The following N4BP1 variants were observed in gnomAD, a reference collection of about 807,000 sequenced individuals.
N4BP1 encodes the protein NEDD4 binding protein 1.
In N4BP1, 21 loss-of-function variants were observed where a neutral mutation model predicts 70.9. That is an observed-to-expected ratio of 0.30 (90% CI 0.21 to 0.43). The LOEUF (loss-of-function observed/expected upper bound fraction) is 0.43, where lower values mean the gene tolerates loss of function less well. Among genes scored for constraint, N4BP1 ranks in the 20% least tolerant of loss-of-function variants. The pLI, the probability that N4BP1 is intolerant of heterozygous loss-of-function variation, is 1.00. For synonymous variants in N4BP1, 387 were observed against 394.6 expected (o/e 0.98, Z 0.23); for missense variants, 936 against 1,069.4 (o/e 0.88, Z 1.74).
intron 1 of N4BP1, among the ~76,000 whole-genome samples, chr16:48,590,018 T>C (rs1307878055): frequency 1.3e-5 from 2 of 152,164 alleles, no homozygotes; most frequent in African/African-American, 4.8e-5. Context: ...AGCTACAAGA[T>C]TAGAAATGAT....
chr16:48,560,061 A>AC (rs1963829870), intron 2 of N4BP1, among the ~76,000 whole-genome samples: 1 of 151,832 alleles, frequency 6.6e-6, no homozygotes, highest in Non-Finnish European at 1.5e-5. Context: ...GAGGCTCTTG[A>AC]CCCTCACACT....
At chr16:48,572,795 T>G (rs560483930) in intron 1 of N4BP1, among the ~76,000 whole-genome samples, 1 of 152,178 alleles carries the variant, frequency 6.6e-6, no homozygotes, top group South Asian at 2.1e-4. Flanking sequence ...AGGGTAGATA[T>G]AAAACACATT....
intron 1 of N4BP1, among the ~76,000 whole-genome samples, chr16:48,574,033 C>A (rs1369333304): frequency 6.6e-6 from 1 of 152,124 alleles, no homozygotes; most frequent in Non-Finnish European, 1.5e-5. Flanking sequence ...TTCAAACCCA[C>A]GTTGTTCAAG....
intron 2 of N4BP1, among the ~76,000 whole-genome samples, chr16:48,560,370 A>G (rs1218497156): frequency 7.8e-6 from 1 of 127,876 alleles, no homozygotes; most frequent in Admixed American, 8.0e-5. Context: ...CTCCAGCATA[A>G]TAAGATAAAA....
intron 1 of N4BP1, among the ~76,000 whole-genome samples, chr16:48,587,846 C>A (rs1964269745): frequency 6.6e-6 from 1 of 152,138 alleles, no homozygotes; most frequent in Non-Finnish European, 1.5e-5. Flanking sequence ...GCCTTCTGTT[C>A]TGTATTAAGG....
At position 48,589,398 on chromosome 16, in the gene N4BP1, G is replaced by A. The variant is rs190971961; in HGVS notation, c.198+20377C>T. Among the ~76,000 whole-genome samples, 5 of 152,194 alleles carry A rather than the reference G, an allele frequency of 3.3e-5. No individual in the cohort carries two copies. In the East Asian group the frequency reaches 5.8e-4, roughly 18 times the overall value. The stretch of plus-strand genomic sequence containing the variant: ...CAGTGCCAATGATTTAATCAATCAC[G>A]CCTATGTAATGAGGCTTCCATAAAA... On this transcript the variant is annotated intron_variant, in intron 1 of 6. Transcript: ENST00000262384.
At position 48,562,061 on chromosome 16, in the gene N4BP1, C is replaced by A. The variant is rs755665625; in HGVS notation, c.582G>T (p.Glu194Asp). 3 of 1,613,620 alleles carry A rather than the reference C, an allele frequency of 1.9e-6. No individual in the cohort carries two copies. Among genetic ancestry groups the A allele is most frequent in the Non-Finnish European group, 2.5e-6 (3 of 1,179,868 alleles). ...CATCATCTCCTGTTTCAAAGAGATT[C>A]TCCTCACCTTGTGTGAGTGTCAAAA... ...KELLTLTQGEENLFETGDDEV... is the reference protein window; with the variant it reads ...KELLTLTQGEDNLFETGDDEV... The change falls in exon 2 of 7, where the codon GAG becomes GAT. Residue 194 changes from glutamate (E) to aspartate (D), a missense_variant. Transcript: ENST00000262384.
rs375906701 is a variant in N4BP1, at chr16:48,561,599, G to T, written c.1044C>A (p.Asn348Lys). The change falls in exon 2 of 7, where the codon AAC becomes AAA. Residue 348 changes from asparagine (N) to lysine (K), a missense_variant. Coordinates refer to ENST00000262384, the MANE Select transcript of N4BP1 (RefSeq NM_153029.4). The part of the protein sequence containing the change: ...IKETTEEMEY[N>K]ILVNFFKTMG... The stretch of plus-strand genomic sequence containing the variant: ...TGGTTTTAAAAAAGTTTACGAGGAT[G>T]TTGTATTCCATTTCCTCAGTAGTTT... 1 of 1,613,606 alleles carries T rather than the reference G, an allele frequency of 6.2e-7. No homozygotes were observed. Among genetic ancestry groups the T allele is most frequent in the African/African-American group, 1.3e-5 (1 of 75,024 alleles).
chr16:48,585,853 G>A (rs1964238649), intron 1 of N4BP1, among the ~76,000 whole-genome samples: 1 of 152,058 alleles, frequency 6.6e-6, no homozygotes, highest in African/African-American at 2.4e-5. Flanking sequence ...ACACCACCAT[G>A]CCCAGCTAAT....
At chr16:48,576,677 CTCCATT>C (rs1359783686) in intron 1 of N4BP1, among the ~76,000 whole-genome samples, 5 of 152,150 alleles carry the variant, frequency 3.3e-5, no homozygotes, top group Non-Finnish European at 7.3e-5. Context: ...TTGACTTCTC[CTCCATT>C]TCATCTAAAA....
At chr16:48,584,083 G>T (rs764503129) in intron 1 of N4BP1, among the ~76,000 whole-genome samples, 3 of 152,174 alleles carry the variant, frequency 2.0e-5, no homozygotes, top group Non-Finnish European at 4.4e-5. Context: ...AAATCACTAG[G>T]CCAGTTTCAA....
intron 1 of N4BP1, among the ~76,000 whole-genome samples, chr16:48,589,441 T>C (rs1203462236): frequency 3.9e-5 from 6 of 152,072 alleles, no homozygotes; most frequent in Admixed American, 3.9e-4. Flanking sequence ...TGGACTGGCT[T>C]TGGAGAGTTT....
At chr16:48,590,046 G>A (rs1964311134) in intron 1 of N4BP1, among the ~76,000 whole-genome samples, 1 of 152,134 alleles carries the variant, frequency 6.6e-6, no homozygotes, top group South Asian at 2.1e-4. Flanking sequence ...GAGTCATATA[G>A]CTTCTGGCTC....
At position 48,539,986 on chromosome 16, in the gene N4BP1, G is replaced by A. The variant is rs1037205257; in HGVS notation, c.*2918C>T. 10 of 152,386 alleles carry A rather than the reference G, an allele frequency of 6.6e-5. No homozygotes were observed. The highest frequency in any genetic ancestry group is 2.4e-4 in the African/African-American group (10 of 41,472). 9.4% of individuals were successfully genotyped at this position (152,386 alleles called of 1,614,324 possible). On this transcript the variant is annotated 3_prime_UTR_variant, in exon 7 of 7. Transcript: ENST00000262384. ...AGCCACATTTGCAAACTGGGAAGTG[G>A]AGAGTGGGAGGTGAGGGGAAGCACT...
intron 5 of N4BP1, among the ~76,000 whole-genome samples, chr16:48,546,897 G>A (rs1490627654): frequency 6.6e-6 from 1 of 152,192 alleles, no homozygotes; most frequent in East Asian, 1.9e-4. Flanking sequence ...TGCATACATG[G>A]ATGAGTGTCA....
chr16:48,607,128 A>T (rs575785841), intron 1 of N4BP1, among the ~76,000 whole-genome samples: 1 of 152,304 alleles, frequency 6.6e-6, no homozygotes, highest in African/African-American at 2.4e-5. Context: ...AATACATATC[A>T]CAAAGATCAA....
Position 48,542,939 on chromosome 16 carries a change from C to T in N4BP1, c.2656G>A (p.Asp886Asn). ...QILVAHPYMK[D>N]LNALSAMVLD ...ACCATGGCAGAAAGCGCATTTAGAT[C>T]TTTCATGTATGGGTGGGCCACCAAG... The change falls in exon 7 of 7, where the codon GAT (aspartate) becomes AAT (asparagine). Residue 886 changes from aspartate (D) to asparagine (N), a missense_variant. Coordinates refer to ENST00000262384, the MANE Select transcript of N4BP1 (RefSeq NM_153029.4). 6.2e-7 allele frequency: 1 copy of T among 1,612,442 alleles called. No individual in the cohort carries two copies. The highest frequency in any genetic ancestry group is 8.5e-7 in the Non-Finnish European group (1 of 1,178,652).
intron 1 of N4BP1, among the ~76,000 whole-genome samples, chr16:48,595,541 T>C (rs981106157): frequency 1.4e-4 from 22 of 152,222 alleles, no homozygotes; most frequent in African/African-American, 4.6e-4. Flanking sequence ...TACATTCTTG[T>C]AAACAAAATT....
At chr16:48,547,819 C>T (rs564778498) in intron 5 of N4BP1, among the ~76,000 whole-genome samples, 188 bp downstream of exon 5, 3 of 152,334 alleles carry the variant, frequency 2.0e-5, no homozygotes, top group Admixed American at 6.5e-5. Flanking sequence ...CTGTGCTGGG[C>T]CCCCGCTTAC....
Sources: allele counts gnomAD v4.1 joint callset (sites outside exome capture counted in the v4.1 genomes callset), GRCh38; gene constraint gnomAD v4.1.1; transcripts MANE v1.5; gene names NCBI Gene and HGNC (gene_info 2026-07-23, HGNC 2026-07-21).